Variants in PLPPR4 observed in about 807,000 individuals in gnomAD.
PLPPR4 encodes the protein phospholipid phosphatase-related protein type 4.
PLPPR4 carries 24 observed loss-of-function variants against 56.6 expected under a neutral mutation model. The ratio of observed to expected loss-of-function variants is 0.42; its 90% CI spans 0.31 to 0.60. The LOEUF is 0.60. PLPPR4 is among the 20% of genes least tolerant of loss of function. The pLI is 0.13. For missense variants in PLPPR4, 654 were observed against 885.8 expected, an observed-to-expected ratio of 0.74 and a Z score of 3.32; for synonymous variants, 326 against 328.1, an observed-to-expected ratio of 0.99 and a Z score of 0.07.
In PLPPR4 at chr1:99,308,430, G is replaced by A. The variant is rs1357284538; in HGVS notation, c.*1420G>A. On this transcript the variant is annotated 3_prime_UTR_variant, in exon 7 of 7. Coordinates refer to ENST00000370185, the MANE Select transcript of PLPPR4 (RefSeq NM_014839.5). ...AAACCAATACCATTGATAAGAAGAA[G>A]ATAAAAACAAAATATTTTGGAGTGT... is the stretch of plus-strand genomic sequence containing the variant. The A allele has an allele frequency of 6.6e-6, 1 of 152,380 alleles. No individual in the cohort carries two copies. The highest frequency in any genetic ancestry group is 1.5e-5 in the Non-Finnish European group (1 of 68,024). 9.4% of individuals were successfully genotyped at this position (152,380 alleles called of 1,614,324 possible). A position where few individuals can be genotyped will look rare whatever the true frequency, so the allele number is the denominator to read the frequency against.
In PLPPR4 at chr1:99,265,305, A is replaced by G. The variant is rs148320656; in HGVS notation, c.78+634A>G. On this transcript the variant is annotated intron_variant, in intron 1 of 6. Transcript: ENST00000370185. ...GTGTGTATACATAACTATATATAAT[A>G]TTTTAAATCTATGACATCATCTGAT... is the stretch of plus-strand genomic sequence containing the variant. Among the ~76,000 whole-genome samples the G allele has an allele frequency of 3.2e-3, 490 of 152,310 alleles. 2 individuals carry two copies. Among genetic ancestry groups the G allele is most frequent in the African/African-American group, 0.011 (460 of 41,574 alleles).
intron 1 of PLPPR4, among the ~76,000 whole-genome samples, chr1:99,272,216 G>A (rs541834567): frequency 4.6e-5 from 7 of 152,066 alleles, no homozygotes; most frequent in Admixed American, 1.3e-4. Context: ...AAAATTATGC[G>A]ATCCAAGAAC....
At chr1:99,268,792 A>G (rs1162494299) in intron 1 of PLPPR4, among the ~76,000 whole-genome samples, 1 of 152,204 alleles carries the variant, frequency 6.6e-6, no homozygotes, top group Non-Finnish European at 1.5e-5. Context: ...AAAGCAGGTA[A>G]AAAGCAATGT....
In PLPPR4 at chr1:99,309,242, C is replaced by T. The variant is rs1004956757; in HGVS notation, c.*2232C>T. ...AAAATTTGTTTACATTCCACTGGTA[C>T]CTTAATTTAAAATAAATCAGACTAA... On this transcript the variant is annotated 3_prime_UTR_variant, in exon 7 of 7. Coordinates refer to ENST00000370185, the MANE Select transcript of PLPPR4 (RefSeq NM_014839.5). 3 of 152,494 alleles carry T rather than the reference C, an allele frequency of 2.0e-5. No individual in the cohort carries two copies. Among genetic ancestry groups the T allele is most frequent in the Non-Finnish European group, 2.9e-5 (2 of 67,956 alleles). 9.4% of individuals were successfully genotyped at this position (152,494 alleles called of 1,614,324 possible). A position where few individuals can be genotyped will look rare whatever the true frequency, so the allele number is the denominator to read the frequency against.
chr1:99,295,145 C>T (rs1037825289), intron 2 of PLPPR4, among the ~76,000 whole-genome samples: 1 of 152,090 alleles, frequency 6.6e-6, no homozygotes, highest in Non-Finnish European at 1.5e-5. Flanking sequence ...AAATGAATTA[C>T]TTTTGATTAT....
chr1:99,301,310 C>G (rs1171585806), intron 5 of PLPPR4, among the ~76,000 whole-genome samples: 1 of 151,960 alleles, frequency 6.6e-6, no homozygotes, highest in Admixed American at 6.6e-5. Context: ...CACACACACA[C>G]ACACACACGT....
intron 6 of PLPPR4, among the ~76,000 whole-genome samples, chr1:99,302,220 G>T (rs1160389758): frequency 6.6e-6 from 1 of 152,016 alleles, no homozygotes; most frequent in Non-Finnish European, 1.5e-5. Flanking sequence ...CAAAAGTAAG[G>T]TTAGTGAAAG....
At chr1:99,303,285 G>A (rs1054207077) in intron 6 of PLPPR4, among the ~76,000 whole-genome samples, 3 of 152,246 alleles carry the variant, frequency 2.0e-5, no homozygotes, top group African/African-American at 7.2e-5. Flanking sequence ...TTTCCAGCAT[G>A]GAACACTGGA....
At chr1:99,263,627 C>T (rs1359232025), upstream of PLPPR4, among the ~76,000 whole-genome samples, 1 of 152,120 alleles carries the variant, frequency 6.6e-6, no homozygotes, top group African/African-American at 2.4e-5. Context: ...CTTGATACTT[C>T]TGGTTGCCAA....
intron 1 of PLPPR4, among the ~76,000 whole-genome samples, chr1:99,277,356 A>T (rs1256949053): frequency 6.6e-6 from 1 of 152,202 alleles, no homozygotes; most frequent in Non-Finnish European, 1.5e-5. Context: ...AATTGAATGG[A>T]AAGTTTGCTA....
At position 99,307,735 on chromosome 1, in the gene PLPPR4, T is replaced by G. The variant is rs1004403349; in HGVS notation, c.*725T>G. 4 of 152,200 alleles carry G rather than the reference T, an allele frequency of 2.6e-5. No individual in the cohort carries two copies. Among genetic ancestry groups the G allele is most frequent in the African/African-American group, 9.6e-5 (4 of 41,462 alleles). 9.4% of individuals were successfully genotyped at this position (152,200 alleles called of 1,614,324 possible). On this transcript the variant is annotated 3_prime_UTR_variant, in exon 7 of 7. Transcript: ENST00000370185. ...CAGTGAAAGGGAATAACTAGTACTT[T>G]TCTGCATAGTTTTTCTTCTGCTTAC...
At chr1:99,301,610 G>A in intron 5 of PLPPR4, 114 bp from the exon 6 acceptor site, 2 of 647,002 alleles carry the variant, frequency 3.1e-6, no homozygotes, top group Non-Finnish European at 5.2e-6. Flanking sequence ...AGGAAGAGGG[G>A]GTGAAACAGT....
intron 1 of PLPPR4, among the ~76,000 whole-genome samples, chr1:99,281,905 T>A (rs1659337314): frequency 6.6e-6 from 1 of 152,202 alleles, no homozygotes; most frequent in South Asian, 2.1e-4. Context: ...TTGGCATGAA[T>A]ATACACAACT....
intron 1 of PLPPR4, among the ~76,000 whole-genome samples, chr1:99,278,199 A>G (rs1659239720): frequency 6.6e-6 from 1 of 152,136 alleles, no homozygotes; most frequent in Admixed American, 6.5e-5. Context: ...ACAAACATGA[A>G]TTGGGAAGCC....
intron 1 of PLPPR4, among the ~76,000 whole-genome samples, chr1:99,268,345 A>G (rs898628977): frequency 2.2e-4 from 33 of 152,232 alleles, no homozygotes; most frequent in African/African-American, 8.0e-4. Context: ...GCCCCTCAAC[A>G]AGAACTCTGG....
intron 1 of PLPPR4, among the ~76,000 whole-genome samples, chr1:99,265,052 G>T (rs548192448): frequency 6.8e-4 from 104 of 152,302 alleles, no homozygotes; most frequent in African/African-American, 2.3e-3. Flanking sequence ...GTACGTGTCG[G>T]GAACTCCGTG....
intron 4 of PLPPR4, among the ~76,000 whole-genome samples, chr1:99,300,197 G>A (rs1396368729): frequency 1.3e-5 from 2 of 151,866 alleles, no homozygotes; most frequent in Admixed American, 6.6e-5. Context: ...AATTAGGAAG[G>A]CACTAATTTA....
chr1:99,280,798 T>C (rs1659304858), intron 1 of PLPPR4, among the ~76,000 whole-genome samples: 2 of 152,108 alleles, frequency 1.3e-5, no homozygotes, highest in Admixed American at 1.3e-4. Flanking sequence ...GAAATATAAA[T>C]ATAATGGGAA....
chr1:99,267,625 C>T (rs942438634), intron 1 of PLPPR4, among the ~76,000 whole-genome samples: 25 of 152,058 alleles, frequency 1.6e-4, no homozygotes, highest in Non-Finnish European at 3.4e-4. Context: ...TATGTTAGTT[C>T]CTTTCCTTTC....
Sources: allele counts gnomAD v4.1 joint callset (sites outside exome capture counted in the v4.1 genomes callset), GRCh38; gene constraint gnomAD v4.1.1; transcripts MANE v1.5; gene names NCBI Gene and HGNC (gene_info 2026-07-23, HGNC 2026-07-21).